The following TONSL variants were observed in gnomAD, a reference collection of about 807,000 sequenced individuals.
TONSL encodes tonsoku-like protein.
TONSL carries 112 observed loss-of-function variants against 147.1 expected under a neutral mutation model. That is an observed-to-expected ratio of 0.76 (90% CI 0.65 to 0.89). TONSL has a LOEUF of 0.89. Among genes scored for constraint, TONSL ranks in the 40% least tolerant of loss-of-function variants. TONSL has a pLI of 0.00. For synonymous variants in TONSL, 868 were observed against 801.5 expected (o/e 1.08, Z -1.40); for missense variants, 1,883 against 1,864.6 (o/e 1.01, Z -0.18).
chr8:144,433,676 G>A lies in TONSL; in HGVS notation c.3471C>T (p.Pro1157=). 1 of 1,613,018 alleles carries A rather than the reference G, an allele frequency of 6.2e-7. No homozygotes were observed. Among genetic ancestry groups the A allele is most frequent in the Non-Finnish European group, 8.5e-7 (1 of 1,179,882 alleles). ...CCTGCAGGCGCAGGGTGCTGAGTAAGGGGCAGGCGTGCAGGAGGGAGGCCA... is the reference window on the plus strand; with the variant it reads ...CCTGCAGGCGCAGGGTGCTGAGTAAAGGGCAGGCGTGCAGGAGGGAGGCCA... ...QSLASLLHAC[P]LLSTLRLQAC... is the part of the protein sequence containing the mutation. The change falls in exon 22 of 26, where the codon CCC becomes CCT. Residue 1157 remains proline, a synonymous_variant. Coordinates refer to ENST00000409379, the MANE Select transcript of TONSL (RefSeq NM_013432.5).
chr8:144,429,763 C>T (rs969387954), intron 25 of TONSL, among the ~76,000 whole-genome samples: 19 of 152,146 alleles, frequency 1.2e-4, no homozygotes, highest in Admixed American at 1.1e-3. Context: ...CACCAGCACT[C>T]GGGGGCCTTC....
chr8:144,440,028 T>G lies in TONSL; in HGVS notation c.1473A>C (p.Ser491=). 2 of 1,300,304 alleles carry G rather than the reference T, an allele frequency of 1.5e-6. No individual in the cohort carries two copies. The highest frequency in any genetic ancestry group is 2.2e-6 in the Non-Finnish European group (2 of 895,322). The allele number at this position is 1,300,304 out of a possible 1,614,324, so 80.5% of individuals were successfully genotyped here. ...GGTGCCGCTGGCCCTCACCGCCCTC[T>G]GAGAGCTCCACCTCGCCGGCCTCCA... The part of the protein sequence containing the change: ...EALEAGEVEL[S]EGEDDTDGLT... Residue 491 remains serine, a synonymous_variant, in exon 11 of 26, where the codon TCA becomes TCC. Coordinates refer to ENST00000409379, the MANE Select transcript of TONSL (RefSeq NM_013432.5).
chr8:144,443,609 T>C (rs961676548), intron 3 of TONSL, among the ~76,000 whole-genome samples: 1 of 152,138 alleles, frequency 6.6e-6, no homozygotes. Context: ...GGGAGAGCTT[T>C]TGGGATGGGG....
chr8:144,430,115 G>A (rs1486628072), intron 25 of TONSL, among the ~76,000 whole-genome samples: 3 of 152,204 alleles, frequency 2.0e-5, no homozygotes, highest in Non-Finnish European at 4.4e-5. Context: ...GGGACAAGAA[G>A]AAAGTCCCTG....
In TONSL at chr8:144,430,549, T is replaced by A. The variant is rs570262287; in HGVS notation, c.3810-12A>T. ...ACAGAGAGAGACATCTGAGATAACA[T>A]GGGAAGAAGTGCAAAGGTTGGCTTC... On this transcript the variant is annotated splice_polypyrimidine_tract_variant and intron_variant, in intron 24 of 25. Transcript: ENST00000409379. 1.0e-5 allele frequency: 16 copies of A among 1,601,314 alleles called. No homozygotes were observed. The Admixed American group carries it at 1.0e-4, about 10-fold the overall frequency.
In TONSL at chr8:144,443,937, T is replaced by C; in HGVS notation, c.209A>G (p.His70Arg). ...ADDPLGCAVA[H>R]RKIGERLAEM... ...GGCCAGGCGCTCTCCGATCTTGCGGTGGGCCACGGCACAGCCCAGAGGGTC... is the reference window on the plus strand; with the variant it reads ...GGCCAGGCGCTCTCCGATCTTGCGGCGGGCCACGGCACAGCCCAGAGGGTC... The change falls in exon 3 of 26, where the codon CAC (histidine) becomes CGC (arginine). Residue 70 changes from histidine to arginine, a missense_variant. Physicochemically the swap from His to Arg is conservative, Grantham distance 29 (BLOSUM62 0). Transcript: ENST00000409379. 6.5e-7 allele frequency: 1 copy of C among 1,544,394 alleles called. No individual in the cohort carries two copies. The highest frequency in any genetic ancestry group is 8.7e-7 in the Non-Finnish European group (1 of 1,146,658).
chr8:144,431,019 G>C, intron 24 of TONSL, 59 bp downstream of exon 24: 2 of 1,584,160 alleles, frequency 1.3e-6, no homozygotes, highest in South Asian at 1.1e-5. Flanking sequence ...TTCTCCCATA[G>C]GGTCCAGAGC....
In TONSL at chr8:144,437,062, G is replaced by A. The variant is rs887137545; in HGVS notation, c.1691C>T (p.Thr564Ile). The change falls in exon 14 of 26, where the codon ACA becomes ATA. Residue 564 changes from threonine (T) to isoleucine (I), a missense_variant. Transcript: ENST00000409379. ...PLNPRDYCGWTPLHEACNYGH... is the reference protein window; with the variant it reads ...PLNPRDYCGWIPLHEACNYGH... ...GTAGTTGCAGGCCTCGTGCAGAGGTGTCCAGCCACAGTAGTCCCGAGGGTT... is the reference window on the plus strand; with the variant it reads ...GTAGTTGCAGGCCTCGTGCAGAGGTATCCAGCCACAGTAGTCCCGAGGGTT... 4.3e-6 allele frequency: 7 copies of A among 1,613,064 alleles called. No homozygotes were observed. In the African/African-American group the frequency reaches 6.7e-5, roughly 15 times the overall value.
intron 23 of TONSL, among the ~76,000 whole-genome samples, chr8:144,431,423 A>G (rs13273326): frequency 0.51 from 78,100 of 151,672 alleles, 20,215 homozygotes; most frequent in Middle Eastern, 0.62. Context: ...GGGGGGCAAG[A>G]TCACCCTGAG....
Position 144,436,360 on chromosome 8 carries a change from G to T in TONSL, c.2073C>A (p.Thr691=). The change falls in exon 17 of 26, where the codon ACC becomes ACA. Residue 691 remains threonine, a synonymous_variant. Coordinates refer to ENST00000409379, the MANE Select transcript of TONSL (RefSeq NM_013432.5). ...TPSSLLFDPE[T]SPPLSPCPEP... ...CTGGGCAGGGGCTCAAAGGAGGAGA[G>T]GTCTCGGGGTCAAACAGAAGGCTGC... 1 of 1,503,398 alleles carries T rather than the reference G, an allele frequency of 6.7e-7. No homozygotes were observed. Among genetic ancestry groups the T allele is most frequent in the Non-Finnish European group, 8.8e-7 (1 of 1,133,432 alleles). 93.1% of individuals were successfully genotyped at this position (1,503,398 alleles called of 1,614,324 possible).
intron 20 of TONSL, 51 bp from the exon 21 acceptor site, chr8:144,434,330 C>T: frequency 6.9e-7 from 1 of 1,439,320 alleles, no homozygotes; most frequent in Non-Finnish European, 9.2e-7. Context: ...TTTCTGCCCT[C>T]TGAATCCCAG....
chr8:144,436,980 C>T (rs529575325), intron 14 of TONSL, 47 bp downstream of exon 14: 14 of 1,612,946 alleles, frequency 8.7e-6, no homozygotes, highest in South Asian at 3.3e-5. Flanking sequence ...ACTCTTCGCC[C>T]CACGTGTCCA....
chr8:144,433,877 C>T (rs1221776862), intron 21 of TONSL, 101 bp downstream of exon 21: 18 of 1,463,792 alleles, frequency 1.2e-5, no homozygotes, highest in Non-Finnish European at 1.5e-5. Context: ...TACAGCCGGG[C>T]ACTGGCTGGC....
chr8:144,444,202 C>G lies in TONSL; in HGVS notation c.99G>C (p.Leu33=), dbSNP rs900914779. Residue 33 remains leucine (L), a synonymous_variant, in exon 2 of 26, where the codon CTG becomes CTC. Coordinates refer to ENST00000409379, the MANE Select transcript of TONSL (RefSeq NM_013432.5). Reference sequence around the variant, plus strand: ...CACCATGGCCGGCCAGGAGCTCCCCCAGCTGGTGGCACAGCGCGGCCTCTT... The same window carrying G: ...CACCATGGCCGGCCAGGAGCTCCCCGAGCTGGTGGCACAGCGCGGCCTCTT... The part of the protein sequence containing the change: ...RREEAALCHQ[L]GELLAGHGRY... The G allele has an allele frequency of 2.7e-6, 4 of 1,458,066 alleles. No homozygotes were observed. The highest frequency in any genetic ancestry group is 1.5e-5 in the African/African-American group (1 of 68,192). The allele number at this position is 1,458,066 out of a possible 1,614,324, so 90.3% of individuals were successfully genotyped here.
At position 144,429,201 on chromosome 8, in the gene TONSL, G is replaced by C; in HGVS notation, c.4079C>G (p.Pro1360Arg). The change falls in exon 26 of 26, where the codon CCG (proline) becomes CGG (arginine). Residue 1360 changes from proline to arginine, a missense_variant. Pro to Arg is a moderately radical substitution (Grantham distance 103). Coordinates refer to ENST00000409379, the MANE Select transcript of TONSL (RefSeq NM_013432.5). ...DALRQLQPSR[P>R]GPGECTLDHG... ...GTCCAGCGTGCACTCGCCGGGGCCC[G>C]GCCGACTGGGCTGCAGCTGGCGCAG... The C allele has an allele frequency of 6.5e-7, 1 of 1,534,906 alleles. No individual in the cohort carries two copies. Among genetic ancestry groups the C allele is most frequent in the Non-Finnish European group, 8.7e-7 (1 of 1,144,924 alleles).
At position 144,429,150 on chromosome 8, in the gene TONSL, C is replaced by T; in HGVS notation, c.4130G>A (p.Arg1377His). 1 of 1,528,864 alleles carries T rather than the reference C, an allele frequency of 6.5e-7. No homozygotes were observed. Among genetic ancestry groups the T allele is most frequent in the Non-Finnish European group, 8.7e-7 (1 of 1,143,166 alleles). 94.7% of individuals were successfully genotyped at this position (1,528,864 alleles called of 1,614,324 possible). ...LDHGSKLFFR[R>H]L is the part of the protein sequence containing the mutation. ...GGAAAGGCAGCGCCAGGGTCAGAGG[C>T]GCCGAAAGAAGAGCTTGGAGCCGTG... Residue 1377 changes from arginine (R) to histidine (H), a missense_variant, in exon 26 of 26, where the codon CGC (arginine) becomes CAC (histidine). Coordinates refer to ENST00000409379, the MANE Select transcript of TONSL (RefSeq NM_013432.5).
In TONSL at chr8:144,444,109, C is replaced by T. The variant is rs1823820078; in HGVS notation, c.121+71G>A. 6 of 1,306,248 alleles carry T rather than the reference C, an allele frequency of 4.6e-6. No individual in the cohort carries two copies. The South Asian group carries it at 1.1e-4, about 25-fold the overall frequency. The allele number at this position is 1,306,248 out of a possible 1,614,324, so 80.9% of individuals were successfully genotyped here. A position where few individuals can be genotyped will look rare whatever the true frequency, so the allele number is the denominator to read the frequency against. On this transcript the variant is annotated intron_variant, in intron 2 of 25. Coordinates refer to ENST00000409379, the MANE Select transcript of TONSL (RefSeq NM_013432.5). The stretch of plus-strand genomic sequence containing the variant: ...GGCGTCTGCCGGAAGAGCCCGTCGC[C>T]CCCCGGCCCCCGATCCCGGCCCGGG...
chr8:144,431,688 AT>A (rs1359886306), intron 23 of TONSL, among the ~76,000 whole-genome samples: 1 of 150,356 alleles, frequency 6.7e-6, no homozygotes, highest in Non-Finnish European at 1.5e-5. Context: ...AATTTTTTGT[AT>A]TTTTTAGTAG....
rs142414219 is a variant in TONSL, at chr8:144,440,088, C to T, written c.1413G>A (p.Ala471=). ...VAEDEDEEEE[A]EEAAATAESE... The stretch of plus-strand genomic sequence containing the variant: ...TCTCCGCTGTGGCTGCCGCCTCCTC[C>T]GCCTCCTCCTCCTCATCTTCATCTT... The change falls in exon 11 of 26, where the codon GCG becomes GCA. Residue 471 remains alanine (A), a synonymous_variant. Transcript: ENST00000409379. 736 of 1,607,758 alleles carry T rather than the reference C, an allele frequency of 4.6e-4. 4 individuals are homozygous for T. The East Asian group carries it at 6.6e-3, about 14-fold the overall frequency.
Sources: allele counts gnomAD v4.1 joint callset (sites outside exome capture counted in the v4.1 genomes callset), GRCh38; gene constraint gnomAD v4.1.1; transcripts MANE v1.5; gene names NCBI Gene and HGNC (gene_info 2026-07-23, HGNC 2026-07-21).